Variants in TRIM4 observed in about 807,000 individuals in gnomAD.
TRIM4 encodes the protein E3 ubiquitin-protein ligase TRIM4.
In TRIM4, 29 loss-of-function variants were observed where a neutral mutation model predicts 33.7. That is an observed-to-expected ratio of 0.86 (90% CI 0.64 to 1.17). TRIM4 has a LOEUF of 1.17. Ranked by LOEUF, TRIM4 falls within the 50% of genes most tolerant of loss-of-function variation. TRIM4 has a pLI of 0.00. For synonymous variants in TRIM4, 224 were observed against 233.0 expected (o/e 0.96, Z 0.35); for missense variants, 554 against 593.7 (o/e 0.93, Z 0.69).
At chr7:99,896,338 T>A (rs528523536) in intron 5 of TRIM4, among the ~76,000 whole-genome samples, 3 of 152,174 alleles carry the variant, frequency 2.0e-5, no homozygotes, top group Non-Finnish European at 4.4e-5. Context: ...AGGAAGGACA[T>A]CTGAACATCT....
chr7:99,906,371 T>A (rs545153119), intron 3 of TRIM4, among the ~76,000 whole-genome samples: 205 of 152,054 alleles, frequency 1.3e-3, no homozygotes, highest in African/African-American at 4.7e-3. Context: ...TTTTTTTTTT[T>A]AAATAGAGAC....
intron 1 of TRIM4, among the ~76,000 whole-genome samples, chr7:99,917,545 C>T (rs2151654706): frequency 6.6e-6 from 1 of 152,190 alleles, no homozygotes; most frequent in South Asian, 2.1e-4. Flanking sequence ...CATAGTGAAA[C>T]CCTGTCTTCA....
intron 1 of TRIM4, among the ~76,000 whole-genome samples, chr7:99,912,529 A>AT (rs1448323879): frequency 7.1e-5 from 6 of 84,258 alleles, no homozygotes; most frequent in African/African-American, 4.3e-4. Flanking sequence ...GACTCTACAT[A>AT]TTAAAAAAAA....
chr7:99,908,839 C>A, intron 2 of TRIM4, 27 bp from the exon 3 acceptor site: 2 of 1,591,070 alleles, frequency 1.3e-6, no homozygotes, highest in Non-Finnish European at 8.6e-7. Flanking sequence ...TTTGCTCACT[C>A]CTTTTTCTGC....
Position 99,892,460 on chromosome 7 carries a change from C to A in TRIM4, c.1128G>T (p.Met376Ile), listed in dbSNP as rs781290710. 6.2e-7 allele frequency: 1 copy of A among 1,614,152 alleles called. No homozygotes were observed. Among genetic ancestry groups the A allele is most frequent in the South Asian group, 1.1e-5 (1 of 91,084 alleles). The change falls in exon 6 of 6, where the codon ATG becomes ATT. Residue 376 changes from methionine (M) to isoleucine (I), a missense_variant. Physicochemically the swap from Met to Ile is conservative, Grantham distance 10. Around this residue, in one of 3 missense-constraint regions of TRIM4, gnomAD observed 290 missense variants for 335.8 expected, o/e 0.86. Coordinates refer to ENST00000349062, the MANE Select transcript of TRIM4 (RefSeq NM_033091.3). ...ACATTTTTGAACGATCAGTAATTCCCATGACGTCCTCCCGACACACCCCAA... is the reference window on the plus strand; with the variant it reads ...ACATTTTTGAACGATCAGTAATTCCAATGACGTCCTCCCGACACACCCCAA... ...VAVGVCREDVMGITDRSKMSP... is the reference protein window; with the variant it reads ...VAVGVCREDVIGITDRSKMSP...
In TRIM4 at chr7:99,892,309, C is replaced by T. The variant is rs1818909205; in HGVS notation, c.1279G>A (p.Gly427Arg). The T allele has an allele frequency of 3.1e-6, 5 of 1,614,182 alleles. No individual in the cohort carries two copies. Among genetic ancestry groups the T allele is most frequent in the Non-Finnish European group, 4.2e-6 (5 of 1,180,032 alleles). Residue 427 changes from glycine to arginine, a missense_variant, in exon 6 of 6, where the codon GGG becomes AGG. Gly to Arg is a moderately radical substitution (Grantham distance 125, BLOSUM62 -2). This residue lies in a region of TRIM4 where 290 missense variants were observed against 335.8 expected (regional missense o/e 0.86). Coordinates refer to ENST00000349062, the MANE Select transcript of TRIM4 (RefSeq NM_033091.3). Reference sequence around the variant, plus strand: ...CTGTAGAAGGAGACATTCCCAGTCCCACGATCCAGGTAAACCCCCACTCGG... The same window carrying T: ...CTGTAGAAGGAGACATTCCCAGTCCTACGATCCAGGTAAACCCCCACTCGG... Reference protein sequence around the residue: ...LHRVGVYLDRGTGNVSFYSAV... With the variant: ...LHRVGVYLDRRTGNVSFYSAV...
At chr7:99,907,564 C>T (rs955445456) in intron 3 of TRIM4, among the ~76,000 whole-genome samples, 1 of 152,174 alleles carries the variant, frequency 6.6e-6, no homozygotes, top group Non-Finnish European at 1.5e-5. Flanking sequence ...TTCAGAGATT[C>T]TTTTATGACA....
intron 1 of TRIM4, among the ~76,000 whole-genome samples, chr7:99,912,219 G>A (rs1018757810): frequency 4.6e-5 from 7 of 152,178 alleles, no homozygotes; most frequent in Admixed American, 1.3e-4. Context: ...GTTTTTCATG[G>A]TATTAAATTT....
chr7:99,905,434 T>G (rs1389151588), intron 3 of TRIM4, among the ~76,000 whole-genome samples: 2 of 152,224 alleles, frequency 1.3e-5, no homozygotes, highest in Non-Finnish European at 2.9e-5. Context: ...ATTCCTGTTT[T>G]TAATAATAGA....
At chr7:99,896,100 A>AT (rs558830056) in intron 5 of TRIM4, among the ~76,000 whole-genome samples, 2 of 151,976 alleles carry the variant, frequency 1.3e-5, no homozygotes, top group Non-Finnish European at 2.9e-5. Flanking sequence ...TTTCTGCCTT[A>AT]TTTTTTATTA....
At chr7:99,913,854 A>G (rs2151652335) in intron 1 of TRIM4, among the ~76,000 whole-genome samples, 1 of 152,304 alleles carries the variant, frequency 6.6e-6, no homozygotes, top group East Asian at 1.9e-4. Context: ...ACTTCCAAAG[A>G]TCTTAGTTTC....
At chr7:99,910,850 C>T (rs912907133) in intron 1 of TRIM4, among the ~76,000 whole-genome samples, 2 of 152,162 alleles carry the variant, frequency 1.3e-5, no homozygotes, top group Admixed American at 6.5e-5. Context: ...ATGTCAGCTG[C>T]GAGTGCAGAG....
intron 3 of TRIM4, among the ~76,000 whole-genome samples, chr7:99,903,990 A>T (rs773862812): frequency 6.6e-6 from 1 of 152,230 alleles, no homozygotes; most frequent in Non-Finnish European, 1.5e-5. Flanking sequence ...TATAATCGCA[A>T]GGGATATTTT....
intron 2 of TRIM4, among the ~76,000 whole-genome samples, 197 bp downstream of exon 2, chr7:99,909,368 A>G (rs1369324204): frequency 6.6e-6 from 1 of 152,124 alleles, no homozygotes; most frequent in African/African-American, 2.4e-5. Flanking sequence ...CCGTATCTAC[A>G]AGGGGCCTGA....
intron 1 of TRIM4, among the ~76,000 whole-genome samples, chr7:99,914,806 CT>C (rs1173551601): frequency 1.3e-5 from 2 of 151,292 alleles, no homozygotes; most frequent in Admixed American, 1.3e-4. Context: ...TTCTTTTTTT[CT>C]TTTTTTCTTT....
intron 5 of TRIM4, among the ~76,000 whole-genome samples, chr7:99,900,814 C>T (rs960272092): frequency 4.6e-5 from 7 of 152,148 alleles, no homozygotes; most frequent in African/African-American, 9.7e-5. Context: ...ATGTCAACTT[C>T]GTCTTTGTTC....
intron 1 of TRIM4, among the ~76,000 whole-genome samples, chr7:99,915,394 G>A (rs757738094): frequency 4.6e-5 from 7 of 152,190 alleles, no homozygotes; most frequent in African/African-American, 7.2e-5. Context: ...AGCTGCACTT[G>A]GAGGCCTTTT....
At chr7:99,903,499 A>G in intron 4 of TRIM4, 77 bp downstream of exon 4, 1 of 1,575,134 alleles carries the variant, frequency 6.3e-7, no homozygotes, top group Non-Finnish European at 8.7e-7. Flanking sequence ...TATGGATCCT[A>G]GGCCTTGTTT....
At chr7:99,916,677 C>A (rs778197411) in intron 1 of TRIM4, 2 of 780,330 alleles carry the variant, frequency 2.6e-6, no homozygotes, top group Non-Finnish European at 4.8e-6. Flanking sequence ...CATCCCTGCC[C>A]TGAACTAATT....
Sources: gnomAD v4.1 joint callset for allele counts (sites outside exome capture counted in the v4.1 genomes callset) on GRCh38, gnomAD v4.1.1 for gene constraint, gnomAD v4.1.1 regional missense constraint, MANE v1.5 for transcripts, NCBI Gene and HGNC (gene_info 2026-07-23, HGNC 2026-07-21) for gene names.